PACS1: variants seen among roughly 807,000 people sequenced by gnomAD.
The protein encoded by PACS1 is PACS-1.
PACS1 carries 24 observed loss-of-function variants against 115.0 expected under a neutral mutation model. That is an observed-to-expected ratio of 0.21 (90% confidence interval 0.15 to 0.29). The LOEUF (loss-of-function observed/expected upper bound fraction) is 0.29. Among genes scored for constraint, PACS1 ranks in the 10% least tolerant of loss-of-function variants. PACS1 has a pLI of 1.00. For synonymous variants in PACS1, 453 were observed against 504.5 expected (o/e 0.90, Z 1.37); for missense variants, 838 against 1,251.2 (o/e 0.67, Z 4.98).
chr11:66,241,540 C>A lies in PACS1; in HGVS notation c.2543C>A (p.Thr848Asn). 6.2e-7 allele frequency: 1 copy of A among 1,614,226 alleles called. No individual in the cohort carries two copies. The highest frequency in any genetic ancestry group is 8.5e-7 in the Non-Finnish European group (1 of 1,180,032). Residue 848 changes from threonine to asparagine, a missense_variant, in exon 22 of 24, where the codon ACC becomes AAC. Coordinates refer to ENST00000320580, the MANE Select transcript of PACS1 (RefSeq NM_018026.4). ...AAGAGGGACGCCAGCTCGAAGAACA[C>A]CCTCAAGAGTGTCTTCCGCTCAGTG... ...GDKRDASSKN[T>N]LKSVFRSVQV...
At chr11:66,140,800 A>G (rs1858962608) in intron 1 of PACS1, among the ~76,000 whole-genome samples, 1 of 152,056 alleles carries the variant, frequency 6.6e-6, no homozygotes, top group Non-Finnish European at 1.5e-5. Flanking sequence ...TCTCTTTCTC[A>G]CCTTAAAACA....
intron 7 of PACS1, among the ~76,000 whole-genome samples, chr11:66,219,391 G>A (rs1565152063): frequency 6.6e-6 from 1 of 151,986 alleles, no homozygotes; most frequent in Non-Finnish European, 1.5e-5. Context: ...GTAAGGCTGA[G>A]GTGCCCGCGC....
At chr11:66,238,365 A>G in intron 19 of PACS1, 1 of 983,560 alleles carries the variant, frequency 1.0e-6, no homozygotes, top group Non-Finnish European at 1.2e-6. Context: ...TCAGCCCTTT[A>G]TCCCCAGAGA....
chr11:66,074,013 G>A (rs1275909122), intron 1 of PACS1, among the ~76,000 whole-genome samples: 3 of 148,282 alleles, frequency 2.0e-5, no homozygotes, highest in African/African-American at 5.0e-5. Context: ...CTCCTACCTC[G>A]GACTCCCAAA....
intron 7 of PACS1, among the ~76,000 whole-genome samples, chr11:66,219,000 C>T (rs1371112623): frequency 3.3e-5 from 5 of 152,060 alleles, no homozygotes; most frequent in Admixed American, 1.3e-4. Flanking sequence ...GCTTCGGACA[C>T]GTACAGGCCT....
At position 66,239,070 on chromosome 11, in the gene PACS1, C is replaced by T. The variant is rs542489982; in HGVS notation, c.2294-72C>T. 59 of 1,602,748 alleles carry T rather than the reference C, an allele frequency of 3.7e-5. No homozygotes were observed. The East Asian group carries it at 5.1e-4, about 14-fold the overall frequency. ...GCAGGCCACAGGATGGGAGGAACCC[C>T]GGCTCCTTGCCACCACCAAGTCAGA... On this transcript the variant is annotated intron_variant, in intron 20 of 23. Coordinates refer to ENST00000320580, the MANE Select transcript of PACS1 (RefSeq NM_018026.4).
intron 1 of PACS1, among the ~76,000 whole-genome samples, chr11:66,153,693 A>C (rs1201275065): frequency 6.6e-6 from 1 of 152,154 alleles, no homozygotes; most frequent in East Asian, 1.9e-4. Context: ...AGGCAGGAGA[A>C]TGGCGTGAAC....
intron 1 of PACS1, among the ~76,000 whole-genome samples, chr11:66,114,833 A>G (rs1858268393): frequency 6.6e-6 from 1 of 152,156 alleles, no homozygotes; most frequent in Non-Finnish European, 1.5e-5. Context: ...ATAAACCAAA[A>G]GCACTATAAG....
intron 1 of PACS1, among the ~76,000 whole-genome samples, chr11:66,142,109 C>A (rs1287836627): frequency 6.6e-6 from 1 of 151,934 alleles, no homozygotes; most frequent in Non-Finnish European, 1.5e-5. Context: ...CGCTCCCGGC[C>A]AGAGATGCAG....
chr11:66,224,157 C>T (rs1181527350), intron 10 of PACS1, among the ~76,000 whole-genome samples: 1 of 136,954 alleles, frequency 7.3e-6, no homozygotes, highest in Non-Finnish European at 1.5e-5. Context: ...GATCCCGCCA[C>T]TGCACTCCAG....
chr11:66,168,099 C>T (rs1859648742), intron 1 of PACS1, among the ~76,000 whole-genome samples: 1 of 149,804 alleles, frequency 6.7e-6, no homozygotes, highest in Non-Finnish European at 1.5e-5. Flanking sequence ...GATGGGGTCT[C>T]GCCATGTTGC....
At position 66,193,590 on chromosome 11, in the gene PACS1, T is replaced by G; in HGVS notation, c.444+17T>G. 6.3e-7 allele frequency: 1 copy of G among 1,587,732 alleles called. No homozygotes were observed. Among genetic ancestry groups the G allele is most frequent in the Non-Finnish European group, 8.6e-7 (1 of 1,156,740 alleles). ...AAGCTGCAGGTGAGTGGGGCAGGACTGTTTGTTCAGGGCCCAGGGAAGCTG... is the reference window on the plus strand; with the variant it reads ...AAGCTGCAGGTGAGTGGGGCAGGACGGTTTGTTCAGGGCCCAGGGAAGCTG... On this transcript the variant is annotated intron_variant, in intron 2 of 23. Transcript: ENST00000320580.
At chr11:66,179,219 T>G (rs892328965) in intron 1 of PACS1, among the ~76,000 whole-genome samples, 3 of 152,218 alleles carry the variant, frequency 2.0e-5, no homozygotes, top group African/African-American at 7.2e-5. Flanking sequence ...GACCACTTGC[T>G]CTCCTTTTCT....
chr11:66,193,673 TC>T (rs755059007), intron 2 of PACS1, 100 bp downstream of exon 2: 48 of 763,252 alleles, frequency 6.3e-5, no homozygotes, highest in Non-Finnish European at 1.0e-4. Flanking sequence ...ACCTCTGTCT[TC>T]CTCCTCTCAG....
chr11:66,226,844 C>T (rs565922021), intron 10 of PACS1, among the ~76,000 whole-genome samples: 4 of 152,318 alleles, frequency 2.6e-5, no homozygotes, highest in African/African-American at 9.6e-5. Context: ...CTTTGAGTTG[C>T]TGTCTGCACA....
chr11:66,215,986 GC>G, intron 4 of PACS1, 132 bp from the exon 5 acceptor site: 1 of 594,702 alleles, frequency 1.7e-6, no homozygotes, highest in Non-Finnish European at 2.9e-6. Context: ...AGGACAGTAG[GC>G]ATGGATTTGA....
chr11:66,151,327 C>A (rs374932895), intron 1 of PACS1, among the ~76,000 whole-genome samples: 1 of 151,852 alleles, frequency 6.6e-6, no homozygotes, highest in East Asian at 1.9e-4. Flanking sequence ...AAAGCTGAAG[C>A]CTTACTGGCT....
At chr11:66,176,176 G>A (rs7123153) in intron 1 of PACS1, among the ~76,000 whole-genome samples, 38,650 of 151,890 alleles carry the variant, frequency 0.25, 5,880 homozygotes, top group South Asian at 0.46. Context: ...TACAAATCCC[G>A]TCACCCAGGT....
intron 1 of PACS1, among the ~76,000 whole-genome samples, chr11:66,180,182 CAAATG>C: frequency 6.6e-6 from 1 of 151,950 alleles, no homozygotes; most frequent in Non-Finnish European, 1.5e-5. Context: ...TGGCTGAGCA[CAAATG>C]CTCCACTGCA....
Sources: gnomAD v4.1 joint callset for allele counts (sites outside exome capture counted in the v4.1 genomes callset) on GRCh38, gnomAD v4.1.1 for gene constraint, MANE v1.5 for transcripts, NCBI Gene and HGNC (gene_info 2026-07-23, HGNC 2026-07-21) for gene names.